The following MLLT10 variants were observed in gnomAD, a reference collection of about 807,000 sequenced individuals.
MLLT10 encodes the protein protein AF-10.
A neutral mutation model predicts 129.1 loss-of-function variants in MLLT10; 30 were observed. The observed-to-expected ratio is 0.23, with a 90% CI of 0.17 to 0.32. The LOEUF is 0.32. Among genes scored for constraint, MLLT10 ranks in the 10% least tolerant of loss-of-function variants. MLLT10 has a pLI of 1.00. For missense variants in MLLT10, 1,119 were observed against 1,268.3 expected, an observed-to-expected ratio of 0.88 and a Z score of 1.79; for synonymous variants, 490 against 446.4, an observed-to-expected ratio of 1.10 and a Z score of -1.23.
intron 4 of MLLT10, among the ~76,000 whole-genome samples, chr10:21,591,166 T>G (rs2042454646): frequency 6.6e-6 from 1 of 152,142 alleles, no homozygotes; most frequent in Admixed American, 6.5e-5. Flanking sequence ...CAAGCGATCC[T>G]CCTACCTTAG....
intron 9 of MLLT10, among the ~76,000 whole-genome samples, chr10:21,653,222 G>A (rs1298848863): frequency 6.6e-6 from 1 of 152,184 alleles, no homozygotes; most frequent in Non-Finnish European, 1.5e-5. Flanking sequence ...GTGTTGGATG[G>A]TCTGGGTTCT....
chr10:21,726,354 A>C lies in MLLT10; in HGVS notation c.1989A>C (p.Thr663=). The C allele has an allele frequency of 6.3e-7, 1 of 1,599,148 alleles. No homozygotes were observed. The highest frequency in any genetic ancestry group is 8.6e-7 in the Non-Finnish European group (1 of 1,167,906). Residue 663 remains threonine (T), a splice_region_variant and synonymous_variant, in exon 15 of 23, where the codon ACA becomes ACC. Coordinates refer to ENST00000307729, the MANE Select transcript of MLLT10 (RefSeq NM_001195626.3). ...TAGCTCAGTCTGAAAACAATCAAAC[A>C]GGTAAGTTTTCAAGAATTACTAACT... The part of the protein sequence containing the change: ...ALIAQSENNQ[T]DQDLGDNSRN...
intron 3 of MLLT10, among the ~76,000 whole-genome samples, chr10:21,562,014 C>G (rs2038877351): frequency 6.6e-6 from 1 of 152,028 alleles, no homozygotes; most frequent in Non-Finnish European, 1.5e-5. Context: ...CCATGTTGGT[C>G]AGACTGGTCT....
At chr10:21,717,629 C>CTCCTCCTCCTTT (rs2056746100) in intron 14 of MLLT10, among the ~76,000 whole-genome samples, 4 of 129,358 alleles carry the variant, frequency 3.1e-5, no homozygotes, top group Admixed American at 7.7e-5. Flanking sequence ...CTTCCTCCTC[C>CTCCTCCTCCTTT]TCCTCCTCCT....
chr10:21,606,594 C>G, intron 5 of MLLT10, among the ~76,000 whole-genome samples: 1 of 152,236 alleles, frequency 6.6e-6, no homozygotes, highest in Admixed American at 6.5e-5. Flanking sequence ...CTGAGAGATT[C>G]AAGACTTTGA....
At chr10:21,603,871 A>C (rs1473110842) in intron 5 of MLLT10, among the ~76,000 whole-genome samples, 1 of 150,018 alleles carries the variant, frequency 6.7e-6, no homozygotes, top group Non-Finnish European at 1.5e-5. Flanking sequence ...CTATCTTCAC[A>C]TTCCATTCTT....
At chr10:21,545,232 G>A (rs530307725) in intron 3 of MLLT10, among the ~76,000 whole-genome samples, 2 of 151,518 alleles carry the variant, frequency 1.3e-5, no homozygotes, top group South Asian at 4.2e-4. Context: ...GGAAAACAGG[G>A]AACCACATGC....
chr10:21,543,775 G>A (rs377242226), intron 3 of MLLT10, among the ~76,000 whole-genome samples: 1 of 152,072 alleles, frequency 6.6e-6, no homozygotes, highest in Non-Finnish European at 1.5e-5. Context: ...CACTATGCCC[G>A]GTCTGTAGTG....
intron 16 of MLLT10, among the ~76,000 whole-genome samples, chr10:21,729,753 A>G (rs1200718111): frequency 1.3e-5 from 2 of 152,208 alleles, no homozygotes; most frequent in Non-Finnish European, 2.9e-5. Context: ...TGGAGATCAT[A>G]TGAGATATAT....
rs901408941 is a variant in MLLT10 at position 21,686,666 on chromosome 10, A to G, written c.1699+4409A>G. ...AATGAAGACATATGCTTTAAACTCA[A>G]TATCTATGACTGTAAATATATAATA... On this transcript the variant is annotated intron_variant, in intron 13 of 22. Coordinates refer to ENST00000307729, the MANE Select transcript of MLLT10 (RefSeq NM_001195626.3). Among the ~76,000 whole-genome samples the G allele has an allele frequency of 3.9e-5, 6 of 152,130 alleles. No individual in the cohort carries two copies. The East Asian group carries it at 5.8e-4, about 15-fold the overall frequency.
intron 8 of MLLT10, among the ~76,000 whole-genome samples, chr10:21,641,053 C>T (rs769139422): frequency 6.6e-6 from 1 of 152,164 alleles, no homozygotes; most frequent in Non-Finnish European, 1.5e-5. Context: ...AGAGGTGACA[C>T]ACATCATTTT....
intron 21 of MLLT10, among the ~76,000 whole-genome samples, chr10:21,736,947 A>G (rs1049859519): frequency 3.3e-5 from 5 of 152,292 alleles, no homozygotes; most frequent in African/African-American, 1.2e-4. Flanking sequence ...AAGAAAGGCT[A>G]TTGAGAAACT....
intron 5 of MLLT10, among the ~76,000 whole-genome samples, chr10:21,603,827 GTTTTTTTT>G (rs35036317): frequency 7.0e-6 from 1 of 142,516 alleles, no homozygotes; most frequent in South Asian, 2.2e-4. Context: ...TTGTTTTTTT[GTTTTTTTT>G]TTTTTAATCA....
intron 14 of MLLT10, among the ~76,000 whole-genome samples, chr10:21,716,735 A>T (rs1197802164): frequency 1.3e-5 from 2 of 152,110 alleles, no homozygotes; most frequent in African/African-American, 2.4e-5. Flanking sequence ...TCTTACCACA[A>T]CTGTTAAGAA....
Position 21,673,471 on chromosome 10 carries a change from A to G in MLLT10, c.1173A>G (p.Gln391=), listed in dbSNP as rs749194596. The G allele has an allele frequency of 5.0e-5, 81 of 1,613,768 alleles. No homozygotes were observed. Among genetic ancestry groups the G allele is most frequent in the Non-Finnish European group, 5.7e-5 (67 of 1,179,970 alleles). ...DLRNDSYSHS[Q]QSSATKDVHK... is the part of the protein sequence containing the mutation. ...GTAATGACAGTTACTCTCACTCCCA[A>G]CAGTCATCAGCAACCAAAGATGTAC... The change falls in exon 11 of 23, where the codon CAA becomes CAG. Residue 391 remains glutamine (Q), a synonymous_variant. Transcript: ENST00000307729.
At chr10:21,690,711 A>G (rs2053767888) in intron 13 of MLLT10, among the ~76,000 whole-genome samples, 3 of 151,960 alleles carry the variant, frequency 2.0e-5, no homozygotes, top group South Asian at 4.1e-4. Context: ...TTCTCTGCCT[A>G]TTCCTTAACT....
At chr10:21,630,997 T>C (rs945980129) in intron 8 of MLLT10, among the ~76,000 whole-genome samples, 4 of 152,124 alleles carry the variant, frequency 2.6e-5, no homozygotes, top group African/African-American at 9.7e-5. Context: ...CAAGATCACA[T>C]GTAGCAGGAA....
At chr10:21,674,312 C>T (rs143319218) in intron 11 of MLLT10, among the ~76,000 whole-genome samples, 1 of 151,726 alleles carries the variant, frequency 6.6e-6, no homozygotes, top group East Asian at 1.9e-4. Context: ...TTGTTTTGAG[C>T]TCCCTTTCTC....
chr10:21,614,569 CAT>C (rs3837356), intron 6 of MLLT10, among the ~76,000 whole-genome samples: 1,980 of 152,170 alleles, frequency 0.013, 47 homozygotes, highest in African/African-American at 0.045. Flanking sequence ...AGACATAAAA[CAT>C]GTGTACATCT....
Sources: allele counts gnomAD v4.1 joint callset (sites outside exome capture counted in the v4.1 genomes callset), GRCh38; gene constraint gnomAD v4.1.1; transcripts MANE v1.5; gene names NCBI Gene and HGNC (gene_info 2026-07-23, HGNC 2026-07-21).